The following LINGO2 variants were observed in gnomAD, a reference collection of about 807,000 sequenced individuals.
LINGO2 encodes the protein leucine rich repeat and Ig domain containing 2.
A neutral mutation model predicts 30.6 loss-of-function variants in LINGO2; 14 were observed. The ratio of observed to expected loss-of-function variants is 0.46; its 90% confidence interval spans 0.30 to 0.72. LINGO2 has a LOEUF of 0.72. Among genes scored for constraint, LINGO2 ranks in the 30% least tolerant of loss-of-function variants. LINGO2 has a pLI of 0.07. For missense variants in LINGO2, 729 were observed against 751.7 expected (o/e 0.97, Z 0.35); for synonymous variants, 317 against 288.5 (o/e 1.10, Z -1.00).
the LINGO2 span, among the ~76,000 whole-genome samples, chr9:29,009,685 A>G: frequency 6.6e-6 from 1 of 152,158 alleles, no homozygotes; most frequent in African/African-American, 2.4e-5. Flanking sequence ...AACAACTTTA[A>G]AGTTCATATG....
At chr9:27,973,235 T>C (rs1820436312) in intron 5 of LINGO2, among the ~76,000 whole-genome samples, 2 of 152,170 alleles carry the variant, frequency 1.3e-5, no homozygotes, top group Non-Finnish European at 2.9e-5. Context: ...ACAGACACTT[T>C]AAATAAATGT....
At chr9:29,038,400 G>A in the LINGO2 span, among the ~76,000 whole-genome samples, 26 of 152,098 alleles carry the variant, frequency 1.7e-4, no homozygotes, top group South Asian at 4.2e-4. Flanking sequence ...AACTGGCATA[G>A]GAGTGGGACT....
the LINGO2 span, among the ~76,000 whole-genome samples, chr9:28,680,194 A>G: frequency 6.6e-6 from 1 of 152,024 alleles, no homozygotes; most frequent in Non-Finnish European, 1.5e-5. Flanking sequence ...TAGATTTCAC[A>G]TATAAGTGAG....
chr9:28,304,116 T>A (rs1004940118), intron 3 of LINGO2, among the ~76,000 whole-genome samples: 2 of 152,058 alleles, frequency 1.3e-5, no homozygotes, highest in Non-Finnish European at 2.9e-5. Flanking sequence ...TTGTGAGATG[T>A]GGATCTCCTT....
chr9:28,704,314 G>A, the LINGO2 span, among the ~76,000 whole-genome samples: 2 of 151,838 alleles, frequency 1.3e-5, no homozygotes, highest in Non-Finnish European at 2.9e-5. Context: ...CTTCCCTGGA[G>A]GTGAGGTATT....
upstream of LINGO2, among the ~76,000 whole-genome samples, chr9:28,673,935 C>T (rs183905714): frequency 2.6e-3 from 399 of 151,344 alleles, 2 homozygotes; most frequent in Admixed American, 6.8e-3. Context: ...AAAAGATACC[C>T]CCAAACCATG....
the LINGO2 span, among the ~76,000 whole-genome samples, chr9:28,817,827 C>G: frequency 3.3e-5 from 5 of 152,146 alleles, no homozygotes; most frequent in Non-Finnish European, 5.9e-5. Flanking sequence ...AATGAATACA[C>G]TTTGACCTTT....
chr9:28,301,147 A>C (rs10812775), intron 3 of LINGO2, among the ~76,000 whole-genome samples: 114,485 of 151,924 alleles, frequency 0.75, 43,334 homozygotes, highest in Non-Finnish European at 0.78. Context: ...AGAGAGCCAC[A>C]AATGGTGAGC....
At chr9:28,929,886 T>G in the LINGO2 span, among the ~76,000 whole-genome samples, 1 of 152,232 alleles carries the variant, frequency 6.6e-6, no homozygotes, top group Non-Finnish European at 1.5e-5. Context: ...AAAAAATTAA[T>G]GGATAGATGT....
chr9:28,917,286 T>C, the LINGO2 span, among the ~76,000 whole-genome samples: 1 of 152,182 alleles, frequency 6.6e-6, no homozygotes. Flanking sequence ...TCACAATTTA[T>C]ATCTACCTCA....
At chr9:28,671,091 T>C (rs1192197681), upstream of LINGO2, among the ~76,000 whole-genome samples, 1 of 152,098 alleles carries the variant, frequency 6.6e-6, no homozygotes, top group African/African-American at 2.4e-5. Flanking sequence ...ATGTTTCCCA[T>C]ACACAAATAT....
At chr9:29,008,715 C>A in the LINGO2 span, among the ~76,000 whole-genome samples, 3 of 152,024 alleles carry the variant, frequency 2.0e-5, no homozygotes, top group Admixed American at 6.6e-5. Flanking sequence ...GTTGGCTGCA[C>A]AAATGTCTTC....
chr9:28,519,335 A>G (rs923893190), intron 1 of LINGO2, among the ~76,000 whole-genome samples: 8 of 152,054 alleles, frequency 5.3e-5, no homozygotes, highest in African/African-American at 9.7e-5. Context: ...GCACTTGGTC[A>G]CACAAGATCT....
chr9:28,558,037 C>A (rs1396660263), intron 1 of LINGO2, among the ~76,000 whole-genome samples: 1 of 149,668 alleles, frequency 6.7e-6, no homozygotes, highest in East Asian at 2.0e-4. Flanking sequence ...GGGAGATATA[C>A]CTAATGCTAG....
chr9:27,965,356 T>C (rs372134863), intron 5 of LINGO2, among the ~76,000 whole-genome samples: 32 of 152,004 alleles, frequency 2.1e-4, no homozygotes, highest in East Asian at 1.5e-3. Context: ...ATACCTCTCA[T>C]TGCAAATAGA....
intron 1 of LINGO2, among the ~76,000 whole-genome samples, chr9:28,577,866 C>G (rs1447025191): frequency 6.6e-6 from 1 of 152,158 alleles, no homozygotes; most frequent in Non-Finnish European, 1.5e-5. Flanking sequence ...GGAAGACAAA[C>G]TGTGAGCAGA....
intron 4 of LINGO2, among the ~76,000 whole-genome samples, chr9:28,066,870 C>T (rs1171299217): frequency 6.6e-6 from 1 of 151,944 alleles, no homozygotes; most frequent in Non-Finnish European, 1.5e-5. Flanking sequence ...GCTATTCTTA[C>T]TATTCTTCAG....
At chr9:28,004,096 T>A (rs1036574235) in intron 5 of LINGO2, among the ~76,000 whole-genome samples, 1 of 152,204 alleles carries the variant, frequency 6.6e-6, no homozygotes, top group African/African-American at 2.4e-5. Flanking sequence ...AATTATAATT[T>A]GTACGATATC....
the LINGO2 span, among the ~76,000 whole-genome samples, chr9:28,773,863 G>T: frequency 6.6e-6 from 1 of 152,036 alleles, no homozygotes; most frequent in Admixed American, 6.6e-5. Flanking sequence ...TGAAACTCAC[G>T]CTACATCGTG....
Sources: gnomAD v4.1 joint callset for allele counts (sites outside exome capture counted in the v4.1 genomes callset) on GRCh38, gnomAD v4.1.1 for gene constraint, MANE v1.5 for transcripts, NCBI Gene and HGNC (gene_info 2026-07-23, HGNC 2026-07-21) for gene names.